Variants in PTPRM observed in about 807,000 individuals in gnomAD.
The protein encoded by PTPRM is protein tyrosine phosphatase receptor type M.
A neutral mutation model predicts 186.7 loss-of-function variants in PTPRM; 47 were observed. That is an observed-to-expected ratio of 0.25 (90% CI 0.20 to 0.32). The LOEUF is 0.32. Among genes scored for constraint, PTPRM ranks in the 10% least tolerant of loss-of-function variants. PTPRM has a pLI of 1.00. For missense variants in PTPRM, 1,494 were observed against 1,865.0 expected, an observed-to-expected ratio of 0.80 and a Z score of 3.66; for synonymous variants, 668 against 674.9, an observed-to-expected ratio of 0.99 and a Z score of 0.16.
chr18:7,874,136 T>C (rs1222641216), intron 2 of PTPRM, among the ~76,000 whole-genome samples: 1 of 152,112 alleles, frequency 6.6e-6, no homozygotes, highest in African/African-American at 2.4e-5. Context: ...AATCCCTTCG[T>C]ATATGTGTCT....
At chr18:7,808,995 C>T (rs185571102) in intron 2 of PTPRM, among the ~76,000 whole-genome samples, 1 of 152,278 alleles carries the variant, frequency 6.6e-6, no homozygotes, top group East Asian at 1.9e-4. Context: ...TTATGGAGTA[C>T]CTGCTCTAAG....
intron 1 of PTPRM, among the ~76,000 whole-genome samples, chr18:7,659,117 TACAC>T (rs10541547): frequency 0.067 from 9,617 of 143,888 alleles, 439 homozygotes; most frequent in African/African-American, 0.14. Flanking sequence ...CACATGTATG[TACAC>T]ACACACACAC....
At position 8,289,601 on chromosome 18, in the gene PTPRM, T is replaced by C. The variant is rs187801798; in HGVS notation, c.2755-6767T>C. ...ACATATATATATACACATATATATA[T>C]ACACACATATATATATACACATATA... On this transcript the variant is annotated intron_variant, in intron 19 of 32. Coordinates refer to ENST00000580170, the MANE Select transcript of PTPRM (RefSeq NM_001105244.2). Among the ~76,000 whole-genome samples, 28 of 97,456 alleles carry C rather than the reference T, an allele frequency of 2.9e-4. 1 individual carries two copies. Among genetic ancestry groups the C allele is most frequent in the South Asian group, 3.5e-4 (1 of 2,894 alleles). 63.9% of individuals were successfully genotyped at this position (97,456 alleles called of 152,430 possible). A position where few individuals can be genotyped will look rare whatever the true frequency, so the allele number is the denominator to read the frequency against.
intron 7 of PTPRM, among the ~76,000 whole-genome samples, chr18:7,990,895 C>T (rs1309033540): frequency 6.6e-6 from 1 of 152,092 alleles, no homozygotes; most frequent in Non-Finnish European, 1.5e-5. Flanking sequence ...TTGTAGGTGA[C>T]AGGGTGTAGT....
chr18:7,963,438 G>A (rs998424190), intron 7 of PTPRM, among the ~76,000 whole-genome samples: 4 of 152,230 alleles, frequency 2.6e-5, no homozygotes, highest in African/African-American at 7.2e-5. Flanking sequence ...ACAGATGGAG[G>A]TGGTTGTTCA....
chr18:7,665,848 G>A (rs1204713451), intron 1 of PTPRM, among the ~76,000 whole-genome samples: 3 of 152,018 alleles, frequency 2.0e-5, no homozygotes, highest in African/African-American at 7.3e-5. Context: ...CTTGAACCCG[G>A]GAGGCGGAGA....
intron 2 of PTPRM, among the ~76,000 whole-genome samples, chr18:7,870,441 CAT>C (rs1382931814): frequency 1.3e-5 from 2 of 152,112 alleles, no homozygotes; most frequent in Non-Finnish European, 2.9e-5. Context: ...TACCAGATAA[CAT>C]AATTTTTGTG....
chr18:8,329,457 A>G, intron 22 of PTPRM, among the ~76,000 whole-genome samples: 1 of 152,218 alleles, frequency 6.6e-6, no homozygotes, highest in East Asian at 1.9e-4. Context: ...CTTTTATTCA[A>G]CAGGAAGAAA....
intron 2 of PTPRM, among the ~76,000 whole-genome samples, chr18:7,801,436 G>A (rs139211869): frequency 6.6e-6 from 1 of 152,210 alleles, no homozygotes; most frequent in East Asian, 1.9e-4. Context: ...GGTCTTCAGA[G>A]GCAGTAACAT....
chr18:8,209,143 T>A lies in PTPRM; in HGVS notation c.2301-34915T>A, dbSNP rs188286111. On this transcript the variant is annotated intron_variant, in intron 14 of 32. Coordinates refer to ENST00000580170, the MANE Select transcript of PTPRM (RefSeq NM_001105244.2). ...AGGCGTGACATTGTCTGCTTTCTAC[T>A]GTAGAACAGAAGAGTTTTCTGTGCT... Among the ~76,000 whole-genome samples the A allele has an allele frequency of 1.5e-3, 223 of 152,312 alleles. 3 individuals are homozygous for A. Among genetic ancestry groups the A allele is most frequent in the Admixed American group, 0.014 (208 of 15,298 alleles).
chr18:8,221,862 A>G (rs1447039716), intron 14 of PTPRM, among the ~76,000 whole-genome samples: 1 of 152,256 alleles, frequency 6.6e-6, no homozygotes, highest in East Asian at 1.9e-4. Flanking sequence ...GATTGTGCCA[A>G]TCACCAAGTC....
chr18:7,627,008 C>A (rs2038078331), intron 1 of PTPRM, among the ~76,000 whole-genome samples: 1 of 152,164 alleles, frequency 6.6e-6, no homozygotes, highest in Non-Finnish European at 1.5e-5. Flanking sequence ...CCCCTCGGCA[C>A]TATCCCCCTC....
intron 2 of PTPRM, among the ~76,000 whole-genome samples, chr18:7,807,009 C>T (rs1006516659): frequency 1.3e-5 from 2 of 152,172 alleles, no homozygotes; most frequent in African/African-American, 4.8e-5. Flanking sequence ...CAGGTAGTAT[C>T]TCCTTCATCT....
rs578016422 is a variant in PTPRM at position 8,143,628 on chromosome 18, C to T, written c.2168-19C>T. ...CTCTTACCTACAGTCTCTCCTTTTT[C>T]ATTTCCTTTCATCTTCAGGAGCTGC... On this transcript the variant is annotated intron_variant, in intron 13 of 32. Coordinates refer to ENST00000580170, the MANE Select transcript of PTPRM (RefSeq NM_001105244.2). The T allele has an allele frequency of 2.1e-5, 33 of 1,572,194 alleles. No homozygotes were observed. In the South Asian group the frequency reaches 2.1e-4, roughly 10 times the overall value.
intron 1 of PTPRM, among the ~76,000 whole-genome samples, chr18:7,625,064 A>T (rs980590625): frequency 6.6e-6 from 1 of 152,228 alleles, no homozygotes; most frequent in Non-Finnish European, 1.5e-5. Flanking sequence ...CAGAAACTCT[A>T]CAAGAGCTTG....
chr18:7,769,943 C>T, intron 1 of PTPRM, among the ~76,000 whole-genome samples: 1 of 152,248 alleles, frequency 6.6e-6, no homozygotes, highest in African/African-American at 2.4e-5. Flanking sequence ...CCACCCCACC[C>T]AGCTTGTATC....
chr18:8,232,249 C>T lies in PTPRM; in HGVS notation c.2301-11809C>T, dbSNP rs192748485. ...TTGACATCTTTCACTTAGTGACACA[C>T]GTTTAAGTTTCCTCCATGCCTGTTC... On this transcript the variant is annotated intron_variant, in intron 14 of 32. Coordinates refer to ENST00000580170, the MANE Select transcript of PTPRM (RefSeq NM_001105244.2). Among the ~76,000 whole-genome samples, 15 of 152,326 alleles carry T rather than the reference C, an allele frequency of 9.8e-5. No homozygotes were observed. The East Asian group carries it at 2.5e-3, about 25-fold the overall frequency.
intron 22 of PTPRM, among the ~76,000 whole-genome samples, chr18:8,342,287 TG>T (rs1273510369): frequency 1.3e-5 from 2 of 152,252 alleles, no homozygotes; most frequent in Non-Finnish European, 2.9e-5. Flanking sequence ...TCTATTGCTT[TG>T]TTGTTTATAA....
intron 7 of PTPRM, among the ~76,000 whole-genome samples, chr18:7,999,843 C>G (rs779478759): frequency 2.0e-5 from 3 of 151,820 alleles, no homozygotes; most frequent in Non-Finnish European, 4.4e-5. Context: ...AGGAATTGGC[C>G]CACATGTATG....
Sources: gnomAD v4.1 joint callset for allele counts (sites outside exome capture counted in the v4.1 genomes callset) on GRCh38, gnomAD v4.1.1 for gene constraint, MANE v1.5 for transcripts, NCBI Gene and HGNC (gene_info 2026-07-23, HGNC 2026-07-21) for gene names.